The following B2M variants were observed in gnomAD, a reference collection of about 807,000 sequenced individuals.
B2M encodes beta chain of MHC class I molecules.
A neutral mutation model predicts 14.5 loss-of-function variants in B2M; 3 were observed. The ratio of observed to expected loss-of-function variants is 0.21; its 90% CI spans 0.09 to 0.53. The LOEUF (loss-of-function observed/expected upper bound fraction) is 0.53, where lower values mean the gene tolerates loss of function less well. Ranked by LOEUF, B2M falls within the 20% of genes least tolerant of loss-of-function variation. The pLI is 0.95. For synonymous variants in B2M, 45 were observed against 52.7 expected (o/e 0.85, Z 0.64); for missense variants, 107 against 140.8 (o/e 0.76, Z 1.21).
chr15:44,717,368 G>A (rs1219555819), intron 3 of B2M: 1 of 152,110 alleles, frequency 6.6e-6, no homozygotes, highest in Admixed American at 6.5e-5. Context: ...TGAGACCACT[G>A]TCATATATAC....
chr15:44,715,859 G>T (rs1231709810), intron 2 of B2M, 158 bp downstream of exon 2: 2 of 970,792 alleles, frequency 2.1e-6, no homozygotes, highest in Non-Finnish European at 3.2e-6. Context: ...GTCAGGGAAT[G>T]TTCTTAAAGA....
chr15:44,712,881 G>C (rs557632443), intron 1 of B2M: 17 of 151,820 alleles, frequency 1.1e-4, no homozygotes, highest in Non-Finnish European at 1.8e-4. Flanking sequence ...TCGTGCCTGT[G>C]GTCCCAGCTG....
chr15:44,714,011 G>A (rs771360129), intron 1 of B2M: 3 of 152,136 alleles, frequency 2.0e-5, no homozygotes, highest in Non-Finnish European at 4.4e-5. Context: ...GTGTCAATCT[G>A]TATATTTAGT....
In B2M at chr15:44,715,647, T is replaced by C; in HGVS notation, c.292T>C (p.Tyr98His). ...ATTCACCCCCACTGAAAAAGATGAG[T>C]ATGCCTGCCGTGTGAACCATGTGAC... ...TEFTPTEKDE[Y>H]ACRVNHVTLS... The change falls in exon 2 of 4, where the codon TAT (tyrosine) becomes CAT (histidine). Residue 98 changes from tyrosine (Y) to histidine (H), a missense_variant. Transcript: ENST00000648006. 1 of 1,614,188 alleles carries C rather than the reference T, an allele frequency of 6.2e-7. No individual in the cohort carries two copies.
At chr15:44,716,573 A>G in intron 3 of B2M, 2 of 597,352 alleles carry the variant, frequency 3.3e-6, no homozygotes, top group Middle Eastern at 4.4e-4. Context: ...GACCCTCTAC[A>G]GAGAGGGCAA....
chr15:44,713,613 C>T (rs998885462), intron 1 of B2M: 1 of 152,202 alleles, frequency 6.6e-6, no homozygotes. Context: ...GATACTTGTC[C>T]TCTTCTTAGA....
At chr15:44,711,641 G>C (rs112465331) in intron 1 of B2M, 28 bp downstream of exon 1, 11 of 1,601,764 alleles carry the variant, frequency 6.9e-6, no homozygotes, top group African/African-American at 6.7e-5. Flanking sequence ...TCCCGCTCTG[G>C]TCCTTCCTCT....
chr15:44,715,342 G>A, intron 1 of B2M, 81 bp from the exon 2 acceptor site: 1 of 1,478,390 alleles, frequency 6.8e-7, no homozygotes, highest in South Asian at 1.1e-5. Context: ...AACACTTGGT[G>A]CCTGATATAG....
At chr15:44,711,932 TCTCTTCCG>T in intron 1 of B2M, 1 of 517,988 alleles carries the variant, frequency 1.9e-6, no homozygotes, top group South Asian at 2.0e-5. Flanking sequence ...GGGGAGGGTT[TCTCTTCCG>T]CTCTTTCGCG....
intron 1 of B2M, chr15:44,714,357 T>C (rs977929170): frequency 2.0e-5 from 3 of 152,258 alleles, no homozygotes; most frequent in Non-Finnish European, 1.5e-5. Context: ...ATTTAGGTTT[T>C]GTTTCTTTGT....
intron 1 of B2M, 30 bp downstream of exon 1, chr15:44,711,643 C>G (rs776330267): frequency 3.1e-5 from 50 of 1,596,948 alleles, no homozygotes; most frequent in Middle Eastern, 1.7e-4. Context: ...CCGCTCTGGT[C>G]CTTCCTCTCC....
chr15:44,714,415 A>G (rs1168554097), intron 1 of B2M: 2 of 152,248 alleles, frequency 1.3e-5, no homozygotes, highest in Non-Finnish European at 2.9e-5. Flanking sequence ...GGTCTGGCAT[A>G]TAAAACCTCA....
chr15:44,711,744 TC>T, intron 1 of B2M, 131 bp downstream of exon 1: 2 of 1,201,636 alleles, frequency 1.7e-6, no homozygotes, highest in South Asian at 1.3e-5. Flanking sequence ...GTGGGGCTAG[TC>T]CAGGGCTGGA....
rs1463197729 is a variant in B2M, at chr15:44,715,655, C to T, written c.300C>T (p.Cys100=). 14 of 1,614,062 alleles carry T rather than the reference C, an allele frequency of 8.7e-6. No homozygotes were observed. Among genetic ancestry groups the T allele is most frequent in the African/African-American group, 4.0e-5 (3 of 74,926 alleles). The change falls in exon 2 of 4, where the codon TGC becomes TGT. Residue 100 remains cysteine, a synonymous_variant. Coordinates refer to ENST00000648006, the MANE Select transcript of B2M (RefSeq NM_004048.4). ...FTPTEKDEYA[C]RVNHVTLSQP... is the part of the protein sequence containing the mutation. Reference sequence around the variant, plus strand: ...CCACTGAAAAAGATGAGTATGCCTGCCGTGTGAACCATGTGACTTTGTCAC... The same window carrying T: ...CCACTGAAAAAGATGAGTATGCCTGTCGTGTGAACCATGTGACTTTGTCAC...
In B2M at chr15:44,717,948, A is replaced by G. The variant is rs1482244480; in HGVS notation, c.*356A>G. ...TTAAGCGTGCATAAGTTAACTTCCAATTTACATACTCTGCTTAGAATTTGG... is the reference window on the plus strand; with the variant it reads ...TTAAGCGTGCATAAGTTAACTTCCAGTTTACATACTCTGCTTAGAATTTGG... On this transcript the variant is annotated 3_prime_UTR_variant, in exon 4 of 4. Coordinates refer to ENST00000648006, the MANE Select transcript of B2M (RefSeq NM_004048.4). 6.6e-6 allele frequency: 1 copy of G among 152,234 alleles called. No homozygotes were observed. Among genetic ancestry groups the G allele is most frequent in the Admixed American group, 6.5e-5 (1 of 15,288 alleles). 9.4% of individuals were successfully genotyped at this position (152,234 alleles called of 1,614,324 possible). A position where few individuals can be genotyped will look rare whatever the true frequency, so the allele number is the denominator to read the frequency against.
At chr15:44,712,501 C>T (rs1264574969) in intron 1 of B2M, among the ~76,000 whole-genome samples, 1 of 152,186 alleles carries the variant, frequency 6.6e-6, no homozygotes, top group Non-Finnish European at 1.5e-5. Flanking sequence ...GAAGTCAAGC[C>T]TAACCAGGGC....
chr15:44,713,203 C>T (rs977019408), intron 1 of B2M: 5 of 152,024 alleles, frequency 3.3e-5, no homozygotes, highest in African/African-American at 1.2e-4. Flanking sequence ...TGATCGAAAG[C>T]AGAATGTTTT....
At position 44,717,991 on chromosome 15, in the gene B2M, T is replaced by A. The variant is rs1409124000; in HGVS notation, c.*399T>A. 3 of 152,222 alleles carry A rather than the reference T, an allele frequency of 2.0e-5. No individual in the cohort carries two copies. Among genetic ancestry groups the A allele is most frequent in the Admixed American group, 2.0e-4 (3 of 15,276 alleles). 9.4% of individuals were successfully genotyped at this position (152,222 alleles called of 1,614,324 possible). Reference sequence around the variant, plus strand: ...GAATTTGGGGGAAAATTTAGAAATATAATTGACAGGATTATTGGAAATTTG... The same window carrying A: ...GAATTTGGGGGAAAATTTAGAAATAAAATTGACAGGATTATTGGAAATTTG... On this transcript the variant is annotated 3_prime_UTR_variant, in exon 4 of 4. Coordinates refer to ENST00000648006, the MANE Select transcript of B2M (RefSeq NM_004048.4).
chr15:44,714,343 A>G (rs547934131), intron 1 of B2M: 2 of 152,234 alleles, frequency 1.3e-5, no homozygotes, highest in African/African-American at 2.4e-5. Context: ...CAGCTCTTGT[A>G]TGCATTTAGG....
Sources: allele counts gnomAD v4.1 joint callset (sites outside exome capture counted in the v4.1 genomes callset), GRCh38; gene constraint gnomAD v4.1.1; transcripts MANE v1.5; gene names NCBI Gene and HGNC (gene_info 2026-07-23, HGNC 2026-07-21).